Variants in RAP1GDS1 observed in about 807,000 individuals in gnomAD.
RAP1GDS1 encodes RAP1, GTP-GDP dissociation stimulator 1.
RAP1GDS1 carries 35 observed loss-of-function variants against 71.1 expected under a neutral mutation model. The ratio of observed to expected loss-of-function variants is 0.49; its 90% CI spans 0.38 to 0.65. RAP1GDS1 has a LOEUF of 0.65. Ranked by LOEUF, RAP1GDS1 falls within the 30% of genes least tolerant of loss-of-function variation. The pLI, the probability that RAP1GDS1 is intolerant of heterozygous loss-of-function variation, is 0.00. For missense variants in RAP1GDS1, 663 were observed against 706.1 expected (o/e 0.94, Z 0.69); for synonymous variants, 229 against 243.1 (o/e 0.94, Z 0.54).
At chr4:98,426,276 A>G (rs1397560415) in intron 12 of RAP1GDS1, among the ~76,000 whole-genome samples, 1 of 152,192 alleles carries the variant, frequency 6.6e-6, no homozygotes, top group Non-Finnish European at 1.5e-5. Flanking sequence ...AAAGTCTGAA[A>G]GAGCACAAAG....
chr4:98,276,535 A>T lies in RAP1GDS1; in HGVS notation c.4+14966A>T, dbSNP rs776149078. ...AAGAGAATATTTTTTATTTCCATGA[A>T]GATGGCTTTCTCTTATTTTTCTTAA... On this transcript the variant is annotated intron_variant, in intron 1 of 14. Transcript: ENST00000408927. 4.9e-4 allele frequency among the ~76,000 whole-genome samples: 74 copies of T among 151,918 alleles called. 1 individual carries two copies. Among genetic ancestry groups the T allele is most frequent in the Non-Finnish European group, 2.8e-4 (19 of 67,992 alleles).
chr4:98,425,773 G>A (rs971817582), intron 12 of RAP1GDS1, among the ~76,000 whole-genome samples: 2 of 151,960 alleles, frequency 1.3e-5, no homozygotes, highest in Non-Finnish European at 2.9e-5. Flanking sequence ...TAACACAATA[G>A]TGGGAGACTT....
chr4:98,326,132 GAT>G (rs138864740), intron 2 of RAP1GDS1, among the ~76,000 whole-genome samples: 10,139 of 152,060 alleles, frequency 0.067, 386 homozygotes, highest in Admixed American at 0.13. Flanking sequence ...GCTTTGGTTT[GAT>G]ATTTCTTTCA....
intron 3 of RAP1GDS1, among the ~76,000 whole-genome samples, chr4:98,350,436 G>A (rs185667844): frequency 6.6e-6 from 1 of 152,256 alleles, no homozygotes; most frequent in Admixed American, 6.5e-5. Context: ...TCCAGGCCTG[G>A]TGGTTCTCAC....
intron 2 of RAP1GDS1, among the ~76,000 whole-genome samples, chr4:98,320,645 C>T (rs1217916017): frequency 6.7e-6 from 1 of 149,092 alleles, no homozygotes; most frequent in East Asian, 2.0e-4. Flanking sequence ...TGGGAGGCAC[C>T]CCCCAGCAGG....
intron 2 of RAP1GDS1, among the ~76,000 whole-genome samples, chr4:98,308,691 T>C (rs1729754248): frequency 6.6e-6 from 1 of 152,090 alleles, no homozygotes; most frequent in South Asian, 2.1e-4. Context: ...GGTCATGCAG[T>C]ATACTAGTGA....
intron 2 of RAP1GDS1, among the ~76,000 whole-genome samples, chr4:98,299,807 G>T (rs1728309223): frequency 6.6e-6 from 1 of 151,760 alleles, no homozygotes; most frequent in South Asian, 2.1e-4. Flanking sequence ...GCTGATTTTT[G>T]TGTTTTTAGT....
intron 1 of RAP1GDS1, among the ~76,000 whole-genome samples, chr4:98,277,282 C>T (rs1366817406): frequency 6.6e-6 from 1 of 152,126 alleles, no homozygotes; most frequent in East Asian, 1.9e-4. Flanking sequence ...TTTCTGCTCC[C>T]CAGTCCTTTC....
chr4:98,330,838 C>T (rs1481285444), intron 2 of RAP1GDS1, among the ~76,000 whole-genome samples: 1 of 151,782 alleles, frequency 6.6e-6, no homozygotes, highest in Non-Finnish European at 1.5e-5. Flanking sequence ...AGAGGGGCTC[C>T]TCACATCCCA....
At chr4:98,408,100 A>T (rs1384342125) in intron 7 of RAP1GDS1, among the ~76,000 whole-genome samples, 3 of 141,018 alleles carry the variant, frequency 2.1e-5, no homozygotes, top group South Asian at 4.4e-4. Context: ...TTATATATAT[A>T]TATATTTTTT....
At chr4:98,317,235 C>A (rs930668433) in intron 2 of RAP1GDS1, among the ~76,000 whole-genome samples, 1 of 152,098 alleles carries the variant, frequency 6.6e-6, no homozygotes, top group Non-Finnish European at 1.5e-5. Flanking sequence ...TGGCCTTTCC[C>A]CATGCCAGAT....
At chr4:98,336,469 A>G (rs547421289) in intron 2 of RAP1GDS1, among the ~76,000 whole-genome samples, 47 of 152,334 alleles carry the variant, frequency 3.1e-4, no homozygotes, top group African/African-American at 8.9e-4. Context: ...AATTGAAATG[A>G]GTACAAGACT....
chr4:98,433,526 T>C (rs986614293), intron 12 of RAP1GDS1, among the ~76,000 whole-genome samples: 1 of 152,156 alleles, frequency 6.6e-6, no homozygotes, highest in African/African-American at 2.4e-5. Flanking sequence ...GCGATCCTCC[T>C]GTTTTGGCCT....
intron 12 of RAP1GDS1, among the ~76,000 whole-genome samples, chr4:98,425,627 C>T (rs1378865161): frequency 6.6e-6 from 1 of 152,028 alleles, no homozygotes; most frequent in Non-Finnish European, 1.5e-5. Context: ...TTCAAAAAGA[C>T]AGAGGGACAT....
intron 6 of RAP1GDS1, among the ~76,000 whole-genome samples, chr4:98,401,959 A>G (rs1340777904): frequency 1.3e-5 from 2 of 152,210 alleles, no homozygotes; most frequent in Non-Finnish European, 2.9e-5. Context: ...GATGATGTCT[A>G]TATACTTTAC....
At chr4:98,404,982 G>C (rs4699627) in intron 7 of RAP1GDS1, among the ~76,000 whole-genome samples, 21,301 of 152,062 alleles carry the variant, frequency 0.14, 2,159 homozygotes, top group African/African-American at 0.28. Context: ...TCTTTGGGCA[G>C]AAAAATCTTA....
rs1324507817 is a variant in RAP1GDS1 at position 98,417,471 on chromosome 4, T to C, written c.1012T>C (p.Leu338=). 1.9e-6 allele frequency: 3 copies of C among 1,613,856 alleles called. No individual in the cohort carries two copies. The highest frequency in any genetic ancestry group is 2.7e-5 in the African/African-American group (2 of 74,942). ...NNHQLQLAGA[L]AIANFARNDA... ...CCACCAGCTACAGCTTGCTGGAGCA[T>C]TGGCAATTGCAAATTTTGCCAGAAA... Residue 338 remains leucine (L), a synonymous_variant, in exon 9 of 15, where the codon TTG becomes CTG. Transcript: ENST00000408927.
At chr4:98,413,936 A>G (rs1305753134) in intron 7 of RAP1GDS1, among the ~76,000 whole-genome samples, 15 of 152,038 alleles carry the variant, frequency 9.9e-5, no homozygotes, top group African/African-American at 3.6e-4. Flanking sequence ...ATGGTATCTC[A>G]TGTGGTTTTG....
In RAP1GDS1 at chr4:98,416,726, T is replaced by C; in HGVS notation, c.764-19T>C. 1 of 1,571,510 alleles carries C rather than the reference T, an allele frequency of 6.4e-7. No homozygotes were observed. The highest frequency in any genetic ancestry group is 8.7e-7 in the Non-Finnish European group (1 of 1,145,748). ...ATTTTATCTCAAAGTTTGATTATTTTGTTCACGTTGTTCTTTAGATGCTAT... is the reference window on the plus strand; with the variant it reads ...ATTTTATCTCAAAGTTTGATTATTTCGTTCACGTTGTTCTTTAGATGCTAT... On this transcript the variant is annotated intron_variant, in intron 7 of 14. Coordinates refer to ENST00000408927, the MANE Select transcript of RAP1GDS1 (RefSeq NM_001100427.2).
Sources: gnomAD v4.1 joint callset for allele counts (sites outside exome capture counted in the v4.1 genomes callset) on GRCh38, gnomAD v4.1.1 for gene constraint, MANE v1.5 for transcripts, NCBI Gene and HGNC (gene_info 2026-07-23, HGNC 2026-07-21) for gene names.